The following FBH1 variants were observed in gnomAD, a reference collection of about 807,000 sequenced individuals.
The protein encoded by FBH1 is F-box DNA helicase 1, also known as DNA 3'-5' helicase 1.
In FBH1, 43 loss-of-function variants were observed where a neutral mutation model predicts 115.5. That is an observed-to-expected ratio of 0.37 (90% CI 0.29 to 0.48). The LOEUF is 0.48. Among genes scored for constraint, FBH1 ranks in the 20% least tolerant of loss-of-function variants. FBH1 has a pLI of 0.99. For synonymous variants in FBH1, 524 were observed against 507.8 expected (o/e 1.03, Z -0.43); for missense variants, 1,001 against 1,337.3 (o/e 0.75, Z 3.92).
Position 5,937,535 on chromosome 10 carries a change from T to TG in FBH1, c.*255_*256insG, listed in dbSNP as rs1833443677. 3.2e-6 allele frequency: 1 copy of TG among 310,816 alleles called. No individual in the cohort carries two copies. The highest frequency in any genetic ancestry group is 5.3e-5 in the East Asian group (1 of 18,988). 19.3% of individuals were successfully genotyped at this position (310,816 alleles called of 1,614,324 possible). A position where few individuals can be genotyped will look rare whatever the true frequency, so the allele number is the denominator to read the frequency against. On this transcript the variant is annotated 3_prime_UTR_variant, in exon 21 of 21. Coordinates refer to ENST00000362091, the MANE Select transcript of FBH1 (RefSeq NM_178150.3). ...CTTTTGATAAAAAAAAAAAAAAAAA[T>TG]TTATGTATTTAAACTTTTATTACAA...
At chr10:5,908,366 CCT>C (rs1486967409) in intron 3 of FBH1, among the ~76,000 whole-genome samples, 9 of 152,100 alleles carry the variant, frequency 5.9e-5, no homozygotes, top group Admixed American at 2.0e-4. Context: ...CCATTGAAAC[CCT>C]GAGTTACGTG....
Position 5,936,392 on chromosome 10 carries a change from G to A in FBH1, c.2830-64G>A, listed in dbSNP as rs144664158. On this transcript the variant is annotated intron_variant, in intron 19 of 20. Transcript: ENST00000362091. This position sits in a 1 kb window ranked among gnomAD's most constrained non-coding sequence, Gnocchi z 5.6. ...GGTTCTCACAGAGCCGCCGCTATCA[G>A]TGTTTCCAGTAGACCCTAACGGAGG... is the stretch of plus-strand genomic sequence containing the variant. 648 of 1,584,054 alleles carry A rather than the reference G, an allele frequency of 4.1e-4. No individual in the cohort carries two copies. Among genetic ancestry groups the A allele is most frequent in the Non-Finnish European group, 5.1e-4 (595 of 1,160,744 alleles).
At chr10:5,916,528 GA>G in intron 10 of FBH1, 72 bp downstream of exon 10, 1 of 1,356,704 alleles carries the variant, frequency 7.4e-7, no homozygotes, top group Non-Finnish European at 1.0e-6. Context: ...GGGATCTGAG[GA>G]TGGGGAAACA....
chr10:5,920,838 C>T (rs1264014125), intron 13 of FBH1, among the ~76,000 whole-genome samples: 1 of 152,164 alleles, frequency 6.6e-6, no homozygotes, highest in Admixed American at 6.5e-5. Flanking sequence ...AGACAGAAAA[C>T]CGCGTGGGCT....
At position 5,934,044 on chromosome 10, in the gene FBH1, C is replaced by T. The variant is rs552890300; in HGVS notation, c.2830-2412C>T. ...CCAGTCTCTGCCCAGGAGGGAAGGC[C>T]ATGGGGATAATGAAGATCCCGAGTT... is the stretch of plus-strand genomic sequence containing the variant. On this transcript the variant is annotated intron_variant, in intron 19 of 20. Transcript: ENST00000362091. Among the ~76,000 whole-genome samples, 6 of 152,244 alleles carry T rather than the reference C, an allele frequency of 3.9e-5. No homozygotes were observed. The East Asian group carries it at 1.2e-3, about 29-fold the overall frequency.
rs1219217428 is a variant in FBH1, at chr10:5,937,260, C to A, written c.3112C>A (p.Leu1038Met). Residue 1038 changes from leucine to methionine, a missense_variant, in exon 21 of 21, where the codon CTG becomes ATG. Around this residue, in one of 4 missense-constraint regions of FBH1, gnomAD observed 521 missense variants for 811.0 expected, o/e 0.64. Transcript: ENST00000362091. Reference sequence around the variant, plus strand: ...CATCGTACTGCCCCGGCATGAGGCCCTGCTCTTCCTCGTCTTCTGAGGACA... The same window carrying A: ...CATCGTACTGCCCCGGCATGAGGCCATGCTCTTCCTCGTCTTCTGAGGACA... The part of the protein sequence containing the change: ...ENIVLPRHEA[L>M]LFLVF 2 of 1,603,892 alleles carry A rather than the reference C, an allele frequency of 1.2e-6. No individual in the cohort carries two copies. The highest frequency in any genetic ancestry group is 4.5e-5 in the East Asian group (2 of 44,496).
At chr10:5,892,792 T>C (rs966402223) in intron 1 of FBH1, among the ~76,000 whole-genome samples, 9 of 152,376 alleles carry the variant, frequency 5.9e-5, no homozygotes, top group Admixed American at 5.9e-4. Context: ...GTTATCCTTG[T>C]TGCTCTTTAT....
At position 5,917,679 on chromosome 10, in the gene FBH1, G is replaced by A. The variant is rs756707559; in HGVS notation, c.1963+3G>A. 23 of 1,612,122 alleles carry A rather than the reference G, an allele frequency of 1.4e-5. No homozygotes were observed. In the Admixed American group the frequency reaches 3.3e-4, roughly 23 times the overall value. ...TGAGGCCCAGGACTGCACACCAGGT[G>A]ATACACTGTTCAGGACATCAGTAGT... is the stretch of plus-strand genomic sequence containing the variant. On this transcript the variant is annotated splice_donor_region_variant and intron_variant, in intron 12 of 20. Transcript: ENST00000362091. This position sits in a 1 kb window ranked among gnomAD's most constrained non-coding sequence, Gnocchi z 5.6.
chr10:5,892,789 T>C (rs1331412606), intron 1 of FBH1, among the ~76,000 whole-genome samples: 1 of 152,256 alleles, frequency 6.6e-6, no homozygotes, highest in Non-Finnish European at 1.5e-5. Context: ...CCAGTTATCC[T>C]TGTTGCTCTT....
At chr10:5,912,510 AG>A (rs942297910) in intron 6 of FBH1, among the ~76,000 whole-genome samples, 4 of 47,430 alleles carry the variant, frequency 8.4e-5, no homozygotes, top group African/African-American at 2.3e-4. Context: ...GGGCCGGGGG[AG>A]GGGGGTCCCT....
At chr10:5,912,621 C>T (rs1418559216) in intron 6 of FBH1, among the ~76,000 whole-genome samples, 2 of 152,266 alleles carry the variant, frequency 1.3e-5, no homozygotes, top group East Asian at 3.9e-4. Context: ...TGGCAAGGTA[C>T]CAGGAGGGGA....
intron 2 of FBH1, among the ~76,000 whole-genome samples, 177 bp downstream of exon 2, chr10:5,903,352 C>T (rs868504842): frequency 2.1e-5 from 3 of 143,528 alleles, no homozygotes; most frequent in African/African-American, 5.2e-5. Flanking sequence ...TTTTTTGAGA[C>T]GGAGTTTCAA....
chr10:5,905,873 T>G (rs1268849769), intron 2 of FBH1, among the ~76,000 whole-genome samples, 164 bp from the exon 3 acceptor site: 1 of 152,204 alleles, frequency 6.6e-6, no homozygotes, highest in Non-Finnish European at 1.5e-5. Context: ...ATATAAATAT[T>G]GTTTGGATTA....
At chr10:5,922,591 C>T (rs749935324) in intron 15 of FBH1, among the ~76,000 whole-genome samples, 2 of 151,454 alleles carry the variant, frequency 1.3e-5, no homozygotes, top group Admixed American at 1.3e-4. Flanking sequence ...TACCATGTGT[C>T]ATTACACGTG....
rs140807283 is a variant in FBH1 at position 5,909,050 on chromosome 10, C to G, written c.879C>G (p.Leu293=). ...AGTCAGACCTGTGTGTGCTGAACCT[C>G]ATACGGTGAGCTTTGCCTGTGCTGT... ...EKESDLCVLN[L]IRYTATTKCS... Residue 293 remains leucine (L), a synonymous_variant, in exon 4 of 21, where the codon CTC becomes CTG. Coordinates refer to ENST00000362091, the MANE Select transcript of FBH1 (RefSeq NM_178150.3). The surrounding 1 kb of genome is among the most constrained non-coding windows in gnomAD (Gnocchi z 4.4). 1 of 1,614,078 alleles carries G rather than the reference C, an allele frequency of 6.2e-7. No individual in the cohort carries two copies. The highest frequency in any genetic ancestry group is 8.5e-7 in the Non-Finnish European group (1 of 1,180,050).
Position 5,895,240 on chromosome 10 carries a change from C to A in FBH1, c.1+4894C>A. 1.9e-6 allele frequency: 3 copies of A among 1,566,206 alleles called. No individual in the cohort carries two copies. Among genetic ancestry groups the A allele is most frequent in the South Asian group, 1.2e-5 (1 of 86,054 alleles). On this transcript the variant is annotated intron_variant, in intron 1 of 20. Transcript: ENST00000362091. This position sits in a 1 kb window ranked among gnomAD's most constrained non-coding sequence, Gnocchi z 5.0. Reference sequence around the variant, plus strand: ...GGCGGTTAGCTGACTCCAAAATTGTCCAGATTAGCAAAACTGCCCTCTGTG... The same window carrying A: ...GGCGGTTAGCTGACTCCAAAATTGTACAGATTAGCAAAACTGCCCTCTGTG...
At chr10:5,902,729 A>G (rs1047269469) in intron 1 of FBH1, among the ~76,000 whole-genome samples, 5 of 152,128 alleles carry the variant, frequency 3.3e-5, no homozygotes, top group African/African-American at 9.7e-5. Flanking sequence ...GCGCCCAGCC[A>G]CAACGTTTTC....
At chr10:5,902,704 C>T (rs1445811009) in intron 1 of FBH1, among the ~76,000 whole-genome samples, 15 of 152,212 alleles carry the variant, frequency 9.9e-5, no homozygotes, top group Non-Finnish European at 4.4e-5. Context: ...TCTGGGATTA[C>T]AGACGTGAGC....
Position 5,890,363 on chromosome 10 carries a change from A to T in FBH1, c.1+17A>T, listed in dbSNP as rs1467665677. On this transcript the variant is annotated intron_variant, in intron 1 of 20. Transcript: ENST00000362091. ...AGCGCCACAGTGCGTGAGGCCGCAGACGTGGCAGGGAGTGTGGGAGGGGCT... is the reference window on the plus strand; with the variant it reads ...AGCGCCACAGTGCGTGAGGCCGCAGTCGTGGCAGGGAGTGTGGGAGGGGCT... The T allele has an allele frequency of 1.1e-5, 4 of 373,974 alleles. No individual in the cohort carries two copies. In the East Asian group the frequency reaches 1.6e-4, roughly 15 times the overall value. The allele number at this position is 373,974 out of a possible 1,614,324, so 23.2% of individuals were successfully genotyped here.
Sources: gnomAD v4.1 joint callset for allele counts (sites outside exome capture counted in the v4.1 genomes callset) on GRCh38, gnomAD v4.1.1 for gene constraint, gnomAD v4.1.1 regional missense constraint, Gnocchi (gnomAD v3.1) non-coding constraint, MANE v1.5 for transcripts, NCBI Gene and HGNC (gene_info 2026-07-23, HGNC 2026-07-21) for gene names.